The following AP4S1 variants were observed in gnomAD, a reference collection of about 807,000 sequenced individuals.
The protein encoded by AP4S1 is adaptor related protein complex 4 subunit sigma 1, also known as AP-4 complex subunit sigma-1.
In AP4S1, 23 loss-of-function variants were observed where a neutral mutation model predicts 19.8. The ratio of observed to expected loss-of-function variants is 1.16; its 90% CI spans 0.84 to 1.65. The LOEUF (loss-of-function observed/expected upper bound fraction) is 1.65. Ranked by LOEUF, AP4S1 falls within the 40% of genes most tolerant of loss-of-function variation. AP4S1 has a pLI of 0.00. For synonymous variants in AP4S1, 46 were observed against 54.1 expected, an observed-to-expected ratio of 0.85 and a Z score of 0.66; for missense variants, 166 against 172.8, an observed-to-expected ratio of 0.96 and a Z score of 0.22.
intron 1 of AP4S1, among the ~76,000 whole-genome samples, chr14:31,060,419 A>G (rs1267586485): frequency 6.6e-6 from 1 of 152,186 alleles, no homozygotes; most frequent in East Asian, 1.9e-4. Flanking sequence ...TATTTACTGT[A>G]GACCAGCGCC....
At chr14:31,076,100 G>A (rs942841758) in intron 4 of AP4S1, among the ~76,000 whole-genome samples, 2 of 152,072 alleles carry the variant, frequency 1.3e-5, no homozygotes, top group Admixed American at 1.3e-4. Flanking sequence ...CCAGTTTTTG[G>A]CTACTGTAAA....
At chr14:31,038,809 A>G (rs1182509392) in intron 1 of AP4S1, among the ~76,000 whole-genome samples, 2 of 152,202 alleles carry the variant, frequency 1.3e-5, no homozygotes, top group African/African-American at 4.8e-5. Flanking sequence ...TGAGCACTGT[A>G]AGCACTTCCT....
At chr14:31,036,515 T>C (rs1200132540) in intron 1 of AP4S1, among the ~76,000 whole-genome samples, 2 of 152,246 alleles carry the variant, frequency 1.3e-5, no homozygotes, top group Non-Finnish European at 2.9e-5. Context: ...GTAATGTTAC[T>C]AAATTTGATT....
intron 5 of AP4S1, among the ~76,000 whole-genome samples, chr14:31,083,955 C>T (rs1330396118): frequency 2.6e-5 from 4 of 152,188 alleles, no homozygotes; most frequent in African/African-American, 9.7e-5. Flanking sequence ...GCTGCAGTTC[C>T]TGCTCCATCT....
chr14:31,076,103 A>C (rs901221146), intron 4 of AP4S1, among the ~76,000 whole-genome samples: 1 of 152,168 alleles, frequency 6.6e-6, no homozygotes. Flanking sequence ...GTTTTTGGCT[A>C]CTGTAAATAA....
chr14:31,078,354 C>T (rs953789385), intron 4 of AP4S1, among the ~76,000 whole-genome samples: 3 of 152,198 alleles, frequency 2.0e-5, no homozygotes, highest in Non-Finnish European at 2.9e-5. Flanking sequence ...ACTTGAAATG[C>T]AGTTAGTATA....
chr14:31,090,298 C>T (rs1888043500), intron 5 of AP4S1, among the ~76,000 whole-genome samples: 2 of 152,192 alleles, frequency 1.3e-5, no homozygotes. Flanking sequence ...ATTTCAATCA[C>T]TGTAATTAAA....
At chr14:31,047,254 C>A (rs974378136) in intron 1 of AP4S1, among the ~76,000 whole-genome samples, 1 of 152,012 alleles carries the variant, frequency 6.6e-6, no homozygotes, top group Non-Finnish European at 1.5e-5. Context: ...TCATCAGATT[C>A]ATGGTTTGCA....
chr14:31,078,342 G>C (rs1256239802), intron 4 of AP4S1, among the ~76,000 whole-genome samples: 1 of 152,212 alleles, frequency 6.6e-6, no homozygotes, highest in South Asian at 2.1e-4. Context: ...TGGCTCTTGA[G>C]CACTTGAAAT....
At chr14:31,026,593 G>T (rs1320198922) in intron 1 of AP4S1, 1 of 167,038 alleles carries the variant, frequency 6.0e-6, no homozygotes, top group Non-Finnish European at 1.3e-5. Flanking sequence ...GGCGGGGAAA[G>T]AGCTCGGGCT....
chr14:31,030,889 A>G (rs1394292364), intron 1 of AP4S1, among the ~76,000 whole-genome samples: 1 of 152,208 alleles, frequency 6.6e-6, no homozygotes, highest in South Asian at 2.1e-4. Flanking sequence ...TTCCAACGGA[A>G]TGTGACTACG....
chr14:31,040,819 A>G (rs536445754), intron 1 of AP4S1, among the ~76,000 whole-genome samples: 117 of 152,254 alleles, frequency 7.7e-4, no homozygotes, highest in African/African-American at 2.6e-3. Flanking sequence ...TAGAAAAATG[A>G]TAGGCCAGTT....
At chr14:31,038,766 G>GA (rs1884921185) in intron 1 of AP4S1, among the ~76,000 whole-genome samples, 1 of 152,154 alleles carries the variant, frequency 6.6e-6, no homozygotes, top group Non-Finnish European at 1.5e-5. Context: ...AATAGATATA[G>GA]TTAAAGCATT....
At chr14:31,049,839 C>T (rs1885681591) in intron 1 of AP4S1, among the ~76,000 whole-genome samples, 1 of 151,844 alleles carries the variant, frequency 6.6e-6, no homozygotes, top group African/African-American at 2.4e-5. Context: ...TGGGCTCAAG[C>T]GATCTGCCAC....
chr14:31,080,143 C>T lies in AP4S1; in HGVS notation c.295-430C>T, dbSNP rs1887562100. On this transcript the variant is annotated intron_variant, in intron 4 of 5. Coordinates refer to ENST00000542754, the MANE Select transcript of AP4S1 (RefSeq NM_001128126.3). ...TATTTAGGTTATTATCCATAATTTG[C>T]TATTACAAACACCATTACCCTGAAT... Among the ~76,000 whole-genome samples, 5 of 152,204 alleles carry T rather than the reference C, an allele frequency of 3.3e-5. No homozygotes were observed. The South Asian group carries it at 1.0e-3, about 32-fold the overall frequency.
chr14:31,055,723 A>T (rs1184060823), intron 1 of AP4S1, among the ~76,000 whole-genome samples: 1 of 31,228 alleles, frequency 3.2e-5, no homozygotes, highest in Non-Finnish European at 8.8e-5. Context: ...ATATTACCTT[A>T]GTGTTTGTGT....
At position 31,037,992 on chromosome 14, in the gene AP4S1, A is replaced by G. The variant is rs141346821; in HGVS notation, c.-72+12205A>G. ...AAAATTCATATTTAGCAAGAGCTGT[A>G]ACATGTTGCTACACTTTATTGTGAA... On this transcript the variant is annotated intron_variant, in intron 1 of 5. Coordinates refer to ENST00000542754, the MANE Select transcript of AP4S1 (RefSeq NM_001128126.3). Among the ~76,000 whole-genome samples, 303 of 152,344 alleles carry G rather than the reference A, an allele frequency of 2.0e-3. 1 individual carries two copies. The highest frequency in any genetic ancestry group is 3.5e-3 in the South Asian group (17 of 4,824).
At chr14:31,026,301 A>G (rs1031842308) in intron 1 of AP4S1, 1 of 1,163,462 alleles carries the variant, frequency 8.6e-7, no homozygotes, top group South Asian at 2.1e-5. Flanking sequence ...AGGGGCGGGG[A>G]AGGGGTCGTT....
At chr14:31,027,196 G>A (rs1353802666) in intron 1 of AP4S1, 1 of 152,096 alleles carries the variant, frequency 6.6e-6, no homozygotes, top group East Asian at 1.9e-4. Flanking sequence ...ACGATGATGG[G>A]TAGAGGGAGA....
Sources: allele counts gnomAD v4.1 joint callset (sites outside exome capture counted in the v4.1 genomes callset), GRCh38; gene constraint gnomAD v4.1.1; transcripts MANE v1.5; gene names NCBI Gene and HGNC (gene_info 2026-07-23, HGNC 2026-07-21).